RAPGEF2: variants seen among roughly 807,000 people sequenced by gnomAD.
RAPGEF2 encodes Rap guanine nucleotide exchange factor 2.
In RAPGEF2, 54 loss-of-function variants were observed where a neutral mutation model predicts 186.7. The observed-to-expected ratio is 0.29, with a 90% CI of 0.23 to 0.36. RAPGEF2 has a LOEUF of 0.36. RAPGEF2 is among the 10% of genes least tolerant of loss of function. The probability of loss-of-function intolerance (pLI) is 1.00; values close to 1 mark genes in which losing one functional copy is unlikely to be tolerated. For missense variants in RAPGEF2, 1,532 were observed against 2,045.0 expected, an observed-to-expected ratio of 0.75 and a Z score of 4.84; for synonymous variants, 712 against 705.9, an observed-to-expected ratio of 1.01 and a Z score of -0.14.
chr4:159,123,658 A>G (rs1479530239), intron 1 of RAPGEF2, among the ~76,000 whole-genome samples: 1 of 147,248 alleles, frequency 6.8e-6, no homozygotes, highest in Non-Finnish European at 1.5e-5. Context: ...AGCTGGGACT[A>G]CAGGCGCCCA....
chr4:159,146,327 A>G (rs1371240557), intron 1 of RAPGEF2, among the ~76,000 whole-genome samples: 3 of 151,480 alleles, frequency 2.0e-5, no homozygotes, highest in African/African-American at 7.3e-5. Flanking sequence ...AGAAGTTTTA[A>G]CTTTAAAACT....
intron 9 of RAPGEF2, among the ~76,000 whole-genome samples, chr4:159,320,273 G>T (rs190673317): frequency 1.1e-3 from 166 of 152,216 alleles, no homozygotes; most frequent in Non-Finnish European, 1.7e-3. Flanking sequence ...GTAAAACAAT[G>T]ATTCCTGCCT....
chr4:159,270,443 GTT>G (rs779327120), intron 7 of RAPGEF2, among the ~76,000 whole-genome samples: 5 of 152,148 alleles, frequency 3.3e-5, no homozygotes, highest in African/African-American at 4.8e-5. Context: ...AAATACTTCT[GTT>G]TTGCTTATTC....
intron 1 of RAPGEF2, among the ~76,000 whole-genome samples, chr4:159,126,853 C>G (rs1289808107): frequency 6.6e-6 from 1 of 152,126 alleles, no homozygotes; most frequent in Non-Finnish European, 1.5e-5. Flanking sequence ...TTCTCATTGT[C>G]AAGTAGAACC....
intron 10 of RAPGEF2, 73 bp downstream of exon 10, chr4:159,322,556 C>T: frequency 2.3e-6 from 3 of 1,329,346 alleles, no homozygotes; most frequent in Non-Finnish European, 3.2e-6. Context: ...AACAAAACCC[C>T]AATTCTTACT....
chr4:159,252,152 T>G (rs1271074083), intron 7 of RAPGEF2, among the ~76,000 whole-genome samples: 2 of 152,126 alleles, frequency 1.3e-5, no homozygotes, highest in African/African-American at 4.8e-5. Flanking sequence ...ACTCCACTTT[T>G]CAGGCTTAAG....
At chr4:159,137,189 A>G (rs1741808314) in intron 1 of RAPGEF2, among the ~76,000 whole-genome samples, 1 of 152,352 alleles carries the variant, frequency 6.6e-6, no homozygotes, top group East Asian at 1.9e-4. Flanking sequence ...CAAATACCAT[A>G]GACAGGGTGG....
intron 1 of RAPGEF2, among the ~76,000 whole-genome samples, chr4:159,113,740 CAAAAA>C (rs11311075): frequency 2.3e-5 from 2 of 86,628 alleles, no homozygotes; most frequent in Non-Finnish European, 2.4e-5. Flanking sequence ...GACTCTGTCT[CAAAAA>C]AAAAAAAAAA....
At chr4:159,154,574 A>G (rs1475359089) in intron 1 of RAPGEF2, among the ~76,000 whole-genome samples, 8 of 151,160 alleles carry the variant, frequency 5.3e-5, no homozygotes, top group African/African-American at 1.5e-4. Flanking sequence ...ACCAGTGACT[A>G]TATTTAGCAT....
intron 7 of RAPGEF2, among the ~76,000 whole-genome samples, chr4:159,261,561 A>G (rs1237241911): frequency 6.6e-6 from 1 of 152,192 alleles, no homozygotes; most frequent in Non-Finnish European, 1.5e-5. Flanking sequence ...TGTGTTTGAG[A>G]TGTTTACAAA....
chr4:159,207,872 G>T (rs1750139799), intron 3 of RAPGEF2, among the ~76,000 whole-genome samples: 1 of 152,196 alleles, frequency 6.6e-6, no homozygotes, highest in African/African-American at 2.4e-5. Flanking sequence ...TTCAGAATTT[G>T]AGAATAATGC....
intron 3 of RAPGEF2, among the ~76,000 whole-genome samples, chr4:159,197,439 G>A (rs79968805): frequency 2.8e-5 from 4 of 144,218 alleles, no homozygotes; most frequent in African/African-American, 5.3e-5. Context: ...ACACACACAC[G>A]CCCACACTAT....
At chr4:159,188,330 A>G (rs1013965678) in intron 2 of RAPGEF2, among the ~76,000 whole-genome samples, 12 of 152,216 alleles carry the variant, frequency 7.9e-5, no homozygotes, top group Admixed American at 6.5e-4. Context: ...ATGCAATAGA[A>G]AAAGGATTTT....
Position 159,329,867 on chromosome 4 carries a change from A to G in RAPGEF2, c.1159A>G (p.Ile387Val), listed in dbSNP as rs370101377. ...TKVDDCQFVC[I>V]AQQDYCRILN... ...TTATGTTTTATTCCAGTTTGTCTGC[A>G]TAGCCCAGCAAGATTACTGCCGTAT... Residue 387 changes from isoleucine (I) to valine (V), a missense_variant, in exon 12 of 30, where the codon ATA becomes GTA. Physicochemically the swap from Ile to Val is conservative, Grantham distance 29. Transcript: ENST00000691494. The G allele has an allele frequency of 6.2e-7, 1 of 1,611,898 alleles. No individual in the cohort carries two copies. Among genetic ancestry groups the G allele is most frequent in the African/African-American group, 1.3e-5 (1 of 74,764 alleles).
At chr4:159,122,216 C>G (rs1046636558) in intron 1 of RAPGEF2, among the ~76,000 whole-genome samples, 1 of 152,002 alleles carries the variant, frequency 6.6e-6, no homozygotes, top group Non-Finnish European at 1.5e-5. Context: ...CGTGGTGGCT[C>G]ACACCTGTAA....
chr4:159,105,170 AC>A (rs1209900097), intron 1 of RAPGEF2, among the ~76,000 whole-genome samples: 1 of 152,188 alleles, frequency 6.6e-6, no homozygotes, highest in Non-Finnish European at 1.5e-5. Flanking sequence ...TTAGTTGCTG[AC>A]TGGATAATGA....
At chr4:159,222,863 G>A (rs1479018310) in intron 4 of RAPGEF2, among the ~76,000 whole-genome samples, 2 of 151,940 alleles carry the variant, frequency 1.3e-5, no homozygotes, top group Non-Finnish European at 2.9e-5. Flanking sequence ...TCATTATTAA[G>A]ATAAAAATGT....
chr4:159,328,115 G>A (rs914667034), intron 11 of RAPGEF2: 8 of 151,916 alleles, frequency 5.3e-5, no homozygotes, highest in African/African-American at 1.9e-4. Flanking sequence ...CTAAAACTGA[G>A]CACAAGAAAG....
At chr4:159,194,852 G>A (rs1446361716) in intron 3 of RAPGEF2, among the ~76,000 whole-genome samples, 3 of 152,082 alleles carry the variant, frequency 2.0e-5, no homozygotes, top group African/African-American at 7.2e-5. Flanking sequence ...TCCCTCAAAG[G>A]TAATACCTGT....
Sources: gnomAD v4.1 joint callset for allele counts (sites outside exome capture counted in the v4.1 genomes callset) on GRCh38, gnomAD v4.1.1 for gene constraint, MANE v1.5 for transcripts, NCBI Gene and HGNC (gene_info 2026-07-23, HGNC 2026-07-21) for gene names.